The following JAM3 variants were observed in gnomAD, a reference collection of about 807,000 sequenced individuals.
JAM3 encodes junctional adhesion molecule C.
Under a neutral mutation model 39.4 loss-of-function variants are expected in JAM3, and 31 were observed. The observed-to-expected ratio is 0.79, with a 90% confidence interval of 0.59 to 1.06. The LOEUF is 1.06. Ranked by LOEUF, JAM3 falls within the 50% of genes least tolerant of loss-of-function variation. The pLI, the probability that JAM3 is intolerant of heterozygous loss-of-function variation, is 0.00. For missense variants in JAM3, 455 were observed against 391.4 expected (o/e 1.16, Z -1.37); for synonymous variants, 182 against 148.7 (o/e 1.22, Z -1.63).
At chr11:134,114,096 C>T (rs574194215) in intron 1 of JAM3, among the ~76,000 whole-genome samples, 2 of 152,048 alleles carry the variant, frequency 1.3e-5, no homozygotes, top group African/African-American at 4.8e-5. Flanking sequence ...GATATTAGCC[C>T]TTTGTCAGAT....
Position 134,098,126 on chromosome 11 carries a change from C to T in JAM3, c.76+28967C>T, listed in dbSNP as rs542300467. On this transcript the variant is annotated intron_variant, in intron 1 of 8. Coordinates refer to ENST00000299106, the MANE Select transcript of JAM3 (RefSeq NM_032801.5). ...TTGATTGAGTGTATACCCAGGGCAT[C>T]GTGCTAAAGTGTCACCCAAGCTCTG... 2.6e-5 allele frequency among the ~76,000 whole-genome samples: 4 copies of T among 152,210 alleles called. No homozygotes were observed. In the South Asian group the frequency reaches 6.2e-4, roughly 24 times the overall value.
intron 3 of JAM3, 110 bp downstream of exon 3, chr11:134,140,880 G>C (rs541098614): frequency 4.4e-5 from 61 of 1,383,494 alleles, no homozygotes; most frequent in Admixed American, 2.7e-4. Flanking sequence ...TCTGTAGCTA[G>C]GACCGTTTTT....
At chr11:134,140,311 G>T (rs940147139) in intron 2 of JAM3, among the ~76,000 whole-genome samples, 1 of 152,044 alleles carries the variant, frequency 6.6e-6, no homozygotes, top group African/African-American at 2.4e-5. Flanking sequence ...GTTTTGCCAT[G>T]TTTGGCCTGA....
At chr11:134,102,523 T>C (rs1052393686) in intron 1 of JAM3, among the ~76,000 whole-genome samples, 1 of 152,288 alleles carries the variant, frequency 6.6e-6, no homozygotes, top group East Asian at 1.9e-4. Context: ...AGAATGACTT[T>C]GATGAGTTGA....
chr11:134,137,011 G>T (rs1014136318), intron 1 of JAM3, among the ~76,000 whole-genome samples: 7 of 152,028 alleles, frequency 4.6e-5, no homozygotes, highest in Admixed American at 2.6e-4. Flanking sequence ...TACTTGGGAG[G>T]CTGAGGCAGG....
intron 1 of JAM3, among the ~76,000 whole-genome samples, chr11:134,133,996 G>C (rs1200185183): frequency 6.6e-6 from 1 of 151,684 alleles, no homozygotes; most frequent in African/African-American, 2.4e-5. Flanking sequence ...GGTTCTAATG[G>C]GAAAAGTAGA....
At chr11:134,114,758 G>T (rs538443879) in intron 1 of JAM3, among the ~76,000 whole-genome samples, 1 of 152,206 alleles carries the variant, frequency 6.6e-6, no homozygotes, top group East Asian at 1.9e-4. Flanking sequence ...TTGTTTTATG[G>T]CTCGGAATAT....
chr11:134,145,520 G>C, intron 5 of JAM3: 1 of 323,412 alleles, frequency 3.1e-6, no homozygotes, highest in Non-Finnish European at 5.9e-6. Flanking sequence ...AAAGTGACCT[G>C]GCCAGCAAAC....
At chr11:134,105,216 C>T (rs950667281) in intron 1 of JAM3, among the ~76,000 whole-genome samples, 1 of 152,190 alleles carries the variant, frequency 6.6e-6, no homozygotes, top group Admixed American at 6.5e-5. Context: ...AATCAATAAA[C>T]ATCATCCGGC....
At position 134,149,488 on chromosome 11, in the gene JAM3, T is replaced by C; in HGVS notation, c.*307T>C. On this transcript the variant is annotated 3_prime_UTR_variant, in exon 9 of 9. Transcript: ENST00000299106. The stretch of plus-strand genomic sequence containing the variant: ...TGAGTATTAGGGTGATCTTAAAGAG[T>C]TTGCTCACGTAAACGCCCGTGCTGG... 1 of 532,584 alleles carries C rather than the reference T, an allele frequency of 1.9e-6. No homozygotes were observed. Among genetic ancestry groups the C allele is most frequent in the Non-Finnish European group, 3.4e-6 (1 of 290,112 alleles). 33.0% of individuals were successfully genotyped at this position (532,584 alleles called of 1,614,324 possible).
At chr11:134,078,526 TC>T (rs1331440355) in intron 1 of JAM3, among the ~76,000 whole-genome samples, 1 of 152,214 alleles carries the variant, frequency 6.6e-6, no homozygotes, top group Non-Finnish European at 1.5e-5. Context: ...TTTAAAGATT[TC>T]CCCGACTTCC....
rs2120421677 is a variant in JAM3, at chr11:134,151,005, G to A, written c.*1824G>A. Reference sequence around the variant, plus strand: ...GGGACATTAGCAACATCACTCAGAAGCCTGTGTTCTTCAAGAGCAGGTGTT... The same window carrying A: ...GGGACATTAGCAACATCACTCAGAAACCTGTGTTCTTCAAGAGCAGGTGTT... On this transcript the variant is annotated 3_prime_UTR_variant, in exon 9 of 9. Transcript: ENST00000299106. 6.6e-6 allele frequency: 1 copy of A among 152,338 alleles called. No homozygotes were observed. The highest frequency in any genetic ancestry group is 2.1e-4 in the South Asian group (1 of 4,830). The allele number at this position is 152,338 out of a possible 1,614,324, so 9.4% of individuals were successfully genotyped here. A position where few individuals can be genotyped will look rare whatever the true frequency, so the allele number is the denominator to read the frequency against.
At chr11:134,112,118 G>A (rs1214235682) in intron 1 of JAM3, among the ~76,000 whole-genome samples, 3 of 152,108 alleles carry the variant, frequency 2.0e-5, no homozygotes, top group Admixed American at 6.5e-5. Flanking sequence ...ACAGAGCCTC[G>A]CTCTGTTGCC....
intron 1 of JAM3, among the ~76,000 whole-genome samples, chr11:134,116,303 C>T (rs1439267096): frequency 6.6e-6 from 1 of 152,128 alleles, no homozygotes; most frequent in Non-Finnish European, 1.5e-5. Flanking sequence ...GCAGTTATTA[C>T]TATGGTGTTC....
At chr11:134,117,740 A>G (rs999728243) in intron 1 of JAM3, among the ~76,000 whole-genome samples, 12 of 152,162 alleles carry the variant, frequency 7.9e-5, no homozygotes, top group South Asian at 2.1e-4. Flanking sequence ...CTTCCATGCA[A>G]TGGTCTTTGA....
chr11:134,144,177 A>T lies in JAM3; in HGVS notation c.257-64A>T, dbSNP rs117996492. On this transcript the variant is annotated intron_variant, in intron 3 of 8. Transcript: ENST00000299106. ...GCATCTAGTGCTAGCCCCAGAAACC[A>T]CCCTCTTCAAGTGGCAAAGATTTCT... The T allele has an allele frequency of 7.4e-4, 1,170 of 1,575,540 alleles. 17 individuals are homozygous for T. The East Asian group carries it at 0.019, about 25-fold the overall frequency.
At chr11:134,100,645 C>G (rs1034349690) in intron 1 of JAM3, among the ~76,000 whole-genome samples, 1 of 152,106 alleles carries the variant, frequency 6.6e-6, no homozygotes, top group Non-Finnish European at 1.5e-5. Flanking sequence ...GTGGCTGATA[C>G]CATGTGAATG....
chr11:134,116,038 A>G (rs963954754), intron 1 of JAM3, among the ~76,000 whole-genome samples: 1 of 152,220 alleles, frequency 6.6e-6, no homozygotes, highest in African/African-American at 2.4e-5. Context: ...GGTGGTGTCT[A>G]CAAGGTTTCT....
At chr11:134,121,821 G>GCGCGCACACACACACACACACA (rs369702081) in intron 1 of JAM3, among the ~76,000 whole-genome samples, 1 of 148,422 alleles carries the variant, frequency 6.7e-6, no homozygotes, top group Non-Finnish European at 1.5e-5. Flanking sequence ...GCATGTGTGC[G>GCGCGCACACACACACACACACA]CACACACACA....
Sources: allele counts gnomAD v4.1 joint callset (sites outside exome capture counted in the v4.1 genomes callset), GRCh38; gene constraint gnomAD v4.1.1; transcripts MANE v1.5; gene names NCBI Gene and HGNC (gene_info 2026-07-23, HGNC 2026-07-21).